Variants in LAMP3 observed in about 807,000 individuals in gnomAD.
LAMP3 encodes the protein lysosome associated membrane protein 3, also known as lysosome-associated membrane glycoprotein 3.
Under a neutral mutation model 34.8 loss-of-function variants are expected in LAMP3, and 26 were observed. The observed-to-expected ratio is 0.75, with a 90% CI of 0.55 to 1.04. The LOEUF is 1.04. Among genes scored for constraint, LAMP3 ranks in the 50% least tolerant of loss-of-function variants. The pLI is 0.00. For synonymous variants in LAMP3, 180 were observed against 201.9 expected, an observed-to-expected ratio of 0.89 and a Z score of 0.92; for missense variants, 495 against 524.0, an observed-to-expected ratio of 0.94 and a Z score of 0.54.
At chr3:183,162,746 G>T, upstream of LAMP3, 1 of 1,207,158 alleles carries the variant, frequency 8.3e-7, no homozygotes, top group South Asian at 1.6e-5. Context: ...CCGGAGAAAC[G>T]AAACCACCTG....
In LAMP3 at chr3:183,154,200, CT is replaced by C; in HGVS notation, c.240del (p.Val81Ter). The part of the protein sequence containing the change: ...DGHITFQTAA[T>X]VKIPTTTPAT... Reference sequence around the variant, plus strand: ...GCTGGGGTAGTTGTTGGAATTTTTACTGTGGCCGCTGTTTGAAAGGTGATAT... The same window carrying C: ...GCTGGGGTAGTTGTTGGAATTTTTACGTGGCCGCTGTTTGAAAGGTGATAT... On this transcript the variant is annotated frameshift_variant, in exon 2 of 6. Coordinates refer to ENST00000265598, the MANE Select transcript of LAMP3 (RefSeq NM_014398.4). LOFTEE classifies it high-confidence loss of function. 6.2e-7 allele frequency: 1 copy of C among 1,614,080 alleles called. No homozygotes were observed. Among genetic ancestry groups the C allele is most frequent in the Non-Finnish European group, 8.5e-7 (1 of 1,180,016 alleles).
chr3:183,138,005 T>C (rs968712090), intron 4 of LAMP3, among the ~76,000 whole-genome samples: 1 of 152,002 alleles, frequency 6.6e-6, no homozygotes, highest in African/African-American at 2.4e-5. Context: ...ATATTTCTAG[T>C]AGAGACAGGA....
chr3:183,145,104 A>G (rs984559779), intron 3 of LAMP3, among the ~76,000 whole-genome samples: 5 of 152,272 alleles, frequency 3.3e-5, no homozygotes, highest in Admixed American at 3.3e-4. Context: ...GAATGAAGTT[A>G]CTGCAGAATG....
At chr3:183,162,122 G>A (rs1186440591) in intron 1 of LAMP3, 1 of 216,228 alleles carries the variant, frequency 4.6e-6, no homozygotes, top group Non-Finnish European at 8.0e-6. Flanking sequence ...CGGAGGGTCG[G>A]ATCATAAAAT....
intron 5 of LAMP3, among the ~76,000 whole-genome samples, chr3:183,126,563 T>TGTGTGTGTGCGC (rs1289493902): frequency 3.4e-5 from 5 of 149,056 alleles, no homozygotes; most frequent in African/African-American, 1.3e-4. Context: ...TGTGTGTGTG[T>TGTGTGTGTGCGC]GCACACGTGT....
chr3:183,129,766 T>A (rs889737068), intron 5 of LAMP3, among the ~76,000 whole-genome samples: 1 of 152,194 alleles, frequency 6.6e-6, no homozygotes, highest in Non-Finnish European at 1.5e-5. Context: ...AACTTTCTGT[T>A]ATGGACTAAA....
chr3:183,147,901 G>A (rs1720494742), intron 3 of LAMP3, among the ~76,000 whole-genome samples: 1 of 152,230 alleles, frequency 6.6e-6, no homozygotes, highest in East Asian at 1.9e-4. Context: ...ATTTTTTGTA[G>A]AGATAGGGTC....
intron 3 of LAMP3, among the ~76,000 whole-genome samples, chr3:183,149,564 AAAAAAAAAAAATATATATATATATAT>A (rs1370008114): frequency 8.0e-3 from 117 of 14,632 alleles, no homozygotes; most frequent in South Asian, 0.064. Context: ...AAAAAAAAAA[AAAAAAAAAAAATATATATATATATAT>A]ATATATATAT....
Position 183,152,490 on chromosome 3 carries a change from C to A in LAMP3, c.773G>T (p.Arg258Leu), listed in dbSNP as rs768225214. ...VQDKESVFSPRRYFNIDPNAT... is the reference protein window; with the variant it reads ...VQDKESVFSPLRYFNIDPNAT... ...GTTGGGGTCGATGTTGAAGTATCTCCGAGGTGAAAAAACCTAAATCAAGTT... is the reference window on the plus strand; with the variant it reads ...GTTGGGGTCGATGTTGAAGTATCTCAGAGGTGAAAAAACCTAAATCAAGTT... The change falls in exon 3 of 6, where the codon CGG (arginine) becomes CTG (leucine). Residue 258 changes from arginine (R) to leucine (L), a missense_variant. By Grantham distance (102) the Arg-to-Leu change is moderately radical (BLOSUM62 -2). Coordinates refer to ENST00000265598, the MANE Select transcript of LAMP3 (RefSeq NM_014398.4). The A allele has an allele frequency of 6.8e-6, 11 of 1,608,842 alleles. No individual in the cohort carries two copies. The South Asian group carries it at 1.2e-4, about 18-fold the overall frequency.
intron 3 of LAMP3, among the ~76,000 whole-genome samples, chr3:183,147,433 G>T (rs568543990): frequency 6.6e-6 from 1 of 151,620 alleles, no homozygotes; most frequent in South Asian, 2.1e-4. Context: ...CCTCCCTTTT[G>T]TCTCCCAATT....
upstream of LAMP3, chr3:183,162,887 G>C (rs940033589): frequency 1.2e-5 from 6 of 510,474 alleles, no homozygotes; most frequent in Non-Finnish European, 1.7e-5. Context: ...CGGGCCTCTG[G>C]GACCGTTTAC....
intron 3 of LAMP3, among the ~76,000 whole-genome samples, chr3:183,148,692 T>G (rs1720520293): frequency 6.6e-6 from 1 of 152,120 alleles, no homozygotes; most frequent in African/African-American, 2.4e-5. Flanking sequence ...AGATAGGCAA[T>G]AACAAATGCT....
At chr3:183,149,564 AAAAAAAAAAAATATATAT>A (rs1436819072) in intron 3 of LAMP3, among the ~76,000 whole-genome samples, 5 of 14,654 alleles carry the variant, frequency 3.4e-4, no homozygotes, top group East Asian at 3.0e-3. Flanking sequence ...AAAAAAAAAA[AAAAAAAAAAAATATATAT>A]ATATATATAT....
At position 183,123,184 on chromosome 3, in the gene LAMP3, T is replaced by A. The variant is rs1719707897; in HGVS notation, c.*897A>T. Reference sequence around the variant, plus strand: ...GCAGGAGTCATCAAGATAAAAAATATAAGCTGATTTGTTCTTTTTGTTGGT... The same window carrying A: ...GCAGGAGTCATCAAGATAAAAAATAAAAGCTGATTTGTTCTTTTTGTTGGT... On this transcript the variant is annotated 3_prime_UTR_variant, in exon 6 of 6. Transcript: ENST00000265598. The A allele has an allele frequency of 6.6e-6, 1 of 152,330 alleles. No homozygotes were observed. Among genetic ancestry groups the A allele is most frequent in the Middle Eastern group, 3.4e-3 (1 of 294 alleles). 9.4% of individuals were successfully genotyped at this position (152,330 alleles called of 1,614,324 possible). A position where few individuals can be genotyped will look rare whatever the true frequency, so the allele number is the denominator to read the frequency against.
rs116443375 is a variant in LAMP3, at chr3:183,151,187, C to A, written c.888+1188G>T. ...CCATTTTACAGATTGGGAAACAAGC[C>A]CCAACTCCCCTGAGATCATGCAGCT... On this transcript the variant is annotated intron_variant, in intron 3 of 5. Transcript: ENST00000265598. 7.9e-5 allele frequency among the ~76,000 whole-genome samples: 12 copies of A among 152,238 alleles called. 1 individual carries two copies. Among genetic ancestry groups the A allele is most frequent in the African/African-American group, 2.9e-4 (12 of 41,526 alleles).
chr3:183,126,092 A>C (rs1406848019), intron 5 of LAMP3, among the ~76,000 whole-genome samples: 1 of 152,244 alleles, frequency 6.6e-6, no homozygotes, highest in Non-Finnish European at 1.5e-5. Flanking sequence ...TATCTCTAGG[A>C]AATTATCCCA....
intron 3 of LAMP3, among the ~76,000 whole-genome samples, chr3:183,146,605 G>T (rs1043228306): frequency 1.4e-5 from 2 of 146,472 alleles, no homozygotes; most frequent in African/African-American, 5.1e-5. Context: ...TCGGCTCACT[G>T]CAACTTCCGT....
chr3:183,157,441 A>G (rs930910667), intron 1 of LAMP3, among the ~76,000 whole-genome samples: 1 of 152,152 alleles, frequency 6.6e-6, no homozygotes, highest in African/African-American at 2.4e-5. Flanking sequence ...TATTTTAGCA[A>G]TTCATTTGGG....
At chr3:183,152,022 G>A (rs550351764) in intron 3 of LAMP3, among the ~76,000 whole-genome samples, 1 of 152,236 alleles carries the variant, frequency 6.6e-6, no homozygotes, top group South Asian at 2.1e-4. Flanking sequence ...GAATAATCCT[G>A]TTCCTCCGAA....
Sources: gnomAD v4.1 joint callset for allele counts (sites outside exome capture counted in the v4.1 genomes callset) on GRCh38, gnomAD v4.1.1 for gene constraint, MANE v1.5 for transcripts, NCBI Gene and HGNC (gene_info 2026-07-23, HGNC 2026-07-21) for gene names.